The following LRP5 variants were observed in gnomAD, a reference collection of about 807,000 sequenced individuals.
LRP5 encodes the protein low-density lipoprotein receptor-related protein 5.
Under a neutral mutation model 154.1 loss-of-function variants are expected in LRP5, and 62 were observed. The ratio of observed to expected loss-of-function variants is 0.40; its 90% confidence interval spans 0.33 to 0.50. The LOEUF (loss-of-function observed/expected upper bound fraction) is 0.50. LRP5 is among the 20% of genes least tolerant of loss of function. LRP5 has a pLI of 0.55. For missense variants in LRP5, 1,915 were observed against 2,336.7 expected, an observed-to-expected ratio of 0.82 and a Z score of 3.72; for synonymous variants, 966 against 1,011.5, an observed-to-expected ratio of 0.96 and a Z score of 0.85.
intron 21 of LRP5, among the ~76,000 whole-genome samples, chr11:68,441,382 G>T (rs957888631): frequency 1.4e-4 from 21 of 152,208 alleles, no homozygotes; most frequent in African/African-American, 5.1e-4. Flanking sequence ...CTGGCCTGGG[G>T]TATTGTCTTC....
At chr11:68,335,370 A>G (rs2098605118) in intron 1 of LRP5, among the ~76,000 whole-genome samples, 1 of 150,904 alleles carries the variant, frequency 6.6e-6, no homozygotes. Context: ...CACCGCACTC[A>G]GCCCATAACC....
chr11:68,367,796 G>C (rs1262254617), intron 5 of LRP5, among the ~76,000 whole-genome samples: 2 of 152,224 alleles, frequency 1.3e-5, no homozygotes, highest in African/African-American at 4.8e-5. Flanking sequence ...GGGCGCAGTG[G>C]CTCACGCCTG....
At position 68,344,317 on chromosome 11, in the gene LRP5, A is replaced by T. The variant is rs201358135; in HGVS notation, c.92-3530A>T. ...ACATCCCATTTTTTGATTTCTTTTTATTTTTTCCTTTTTCTTTTTGAGATG... is the reference window on the plus strand; with the variant it reads ...ACATCCCATTTTTTGATTTCTTTTTTTTTTTTCCTTTTTCTTTTTGAGATG... On this transcript the variant is annotated intron_variant, in intron 1 of 22. Coordinates refer to ENST00000294304, the MANE Select transcript of LRP5 (RefSeq NM_002335.4). Among the ~76,000 whole-genome samples the T allele has an allele frequency of 7.9e-5, 12 of 151,350 alleles. No homozygotes were observed. The East Asian group carries it at 1.7e-3, about 22-fold the overall frequency.
rs1422149559 is a variant in LRP5, at chr11:68,433,846, C to T, written c.4000+8C>T. On this transcript the variant is annotated splice_region_variant and intron_variant, in intron 18 of 22. Transcript: ENST00000294304. ...ACGAGGCGGACTGTGACGGTGAGGC[C>T]CTCCCCGTCAAGGCTCTGCCAAGAC... The T allele has an allele frequency of 9.9e-6, 16 of 1,610,308 alleles. No homozygotes were observed. Among genetic ancestry groups the T allele is most frequent in the Non-Finnish European group, 1.3e-5 (15 of 1,178,626 alleles).
At chr11:68,422,579 C>G (rs1294481642) in intron 13 of LRP5, among the ~76,000 whole-genome samples, 1 of 152,194 alleles carries the variant, frequency 6.6e-6, no homozygotes. Context: ...AGGCTCATCC[C>G]TGAGATGCAC....
chr11:68,436,863 T>A (rs1220173267), intron 18 of LRP5, 26 bp from the exon 19 acceptor site: 1 of 1,588,010 alleles, frequency 6.3e-7, no homozygotes, highest in South Asian at 1.1e-5. Context: ...CTCCAGCCTC[T>A]CTGAGTGCAT....
chr11:68,325,752 C>T (rs796392123), intron 1 of LRP5, among the ~76,000 whole-genome samples: 1 of 152,306 alleles, frequency 6.6e-6, no homozygotes, highest in African/African-American at 2.4e-5. Context: ...GTGTCCTGCT[C>T]CTAGCTCTGC....
chr11:68,357,278 G>A (rs1281567034), intron 2 of LRP5, among the ~76,000 whole-genome samples: 1 of 150,540 alleles, frequency 6.6e-6, no homozygotes, highest in Admixed American at 6.6e-5. Flanking sequence ...TCCATCCTGA[G>A]TGTTTTGAAT....
At chr11:68,411,287 C>T in intron 10 of LRP5, 149 bp from the exon 11 acceptor site, 1 of 775,644 alleles carries the variant, frequency 1.3e-6, no homozygotes, top group Admixed American at 2.2e-5. Flanking sequence ...GGTCGAGGGT[C>T]TCGCCCTTCC....
rs79770290 is a variant in LRP5 at position 68,411,284 on chromosome 11, G to A, written c.2319-152G>A. The stretch of plus-strand genomic sequence containing the variant: ...GGATATGTGTGTGGCAGGGGTCGAG[G>A]GTCTCGCCCTTCCCTGCTTCCTGCG... On this transcript the variant is annotated intron_variant, in intron 10 of 22. Transcript: ENST00000294304. 0.058 allele frequency: 43,868 copies of A among 750,256 alleles called. 1,709 individuals are homozygous for A. The highest frequency in any genetic ancestry group is 0.073 in the Non-Finnish European group (33,233 of 453,308). The allele number at this position is 750,256 out of a possible 1,614,324, so 46.5% of individuals were successfully genotyped here.
chr11:68,416,173 C>A (rs1048730458), intron 12 of LRP5, among the ~76,000 whole-genome samples, 155 bp from the exon 13 acceptor site: 10 of 152,140 alleles, frequency 6.6e-5, no homozygotes, highest in Admixed American at 2.0e-4. Flanking sequence ...CCATAGCGCA[C>A]CCCCAAGAGA....
At chr11:68,366,439 C>G (rs532490334) in intron 5 of LRP5, among the ~76,000 whole-genome samples, 1 of 152,122 alleles carries the variant, frequency 6.6e-6, no homozygotes, top group Non-Finnish European at 1.5e-5. Context: ...TGTCCTTGCT[C>G]TCACTGCTGT....
At position 68,413,692 on chromosome 11, in the gene LRP5, A is replaced by G; in HGVS notation, c.2507A>G (p.Gln836Arg). 6.2e-7 allele frequency: 1 copy of G among 1,613,718 alleles called. No individual in the cohort carries two copies. The highest frequency in any genetic ancestry group is 8.5e-7 in the Non-Finnish European group (1 of 1,179,990). The change falls in exon 12 of 23, where the codon CAG becomes CGG. Residue 836 changes from glutamine (Q) to arginine (R), a missense_variant. Gln to Arg is a conservative substitution (Grantham distance 43, BLOSUM62 1). Coordinates refer to ENST00000294304, the MANE Select transcript of LRP5 (RefSeq NM_002335.4). This position sits in a 1 kb window ranked among gnomAD's most constrained non-coding sequence, Gnocchi z 5.1. ...NMIESSNMLG[Q>R]ERVVIADDLP... ...GTGCCCGTGTGTGTTCATGCAGGTC[A>G]GGAGCGGGTCGTGATTGCCGACGAT... is the stretch of plus-strand genomic sequence containing the variant.
intron 17 of LRP5, 111 bp from the exon 18 acceptor site, chr11:68,433,491 C>A: frequency 1.0e-6 from 1 of 981,156 alleles, no homozygotes; most frequent in African/African-American, 1.6e-5. Flanking sequence ...AGCAGGGATG[C>A]CAAACCCGCG....
intron 1 of LRP5, among the ~76,000 whole-genome samples, chr11:68,344,468 G>A (rs1267059036): frequency 1.5e-3 from 2 of 1,296 alleles, no homozygotes; most frequent in African/African-American, 3.4e-3. Context: ...ACAGGCGTGA[G>A]CCACCACGCC....
chr11:68,364,869 G>A (rs1053214055), intron 4 of LRP5, among the ~76,000 whole-genome samples: 5 of 152,198 alleles, frequency 3.3e-5, no homozygotes, highest in Non-Finnish European at 7.3e-5. Context: ...GAGGGAGGGA[G>A]AGGTTCATTT....
the LRP5 span, among the ~76,000 whole-genome samples, chr11:68,305,936 T>C: frequency 3.3e-5 from 5 of 152,232 alleles, no homozygotes; most frequent in Non-Finnish European, 2.9e-5. Flanking sequence ...CTCACAGTGC[T>C]GGAGGCCAGA....
chr11:68,327,468 T>G (rs2098600370), intron 1 of LRP5, among the ~76,000 whole-genome samples: 1 of 152,214 alleles, frequency 6.6e-6, no homozygotes, highest in Non-Finnish European at 1.5e-5. Context: ...GGCAAAGATA[T>G]GCAGTGGTCT....
intron 11 of LRP5, among the ~76,000 whole-genome samples, chr11:68,412,490 T>A (rs1055854889): frequency 6.6e-6 from 1 of 151,852 alleles, no homozygotes; most frequent in Non-Finnish European, 1.5e-5. Context: ...AAAAATTTTT[T>A]AAAAATTAGC....
Sources: gnomAD v4.1 joint callset for allele counts (sites outside exome capture counted in the v4.1 genomes callset) on GRCh38, gnomAD v4.1.1 for gene constraint, Gnocchi (gnomAD v3.1) non-coding constraint, MANE v1.5 for transcripts, NCBI Gene and HGNC (gene_info 2026-07-23, HGNC 2026-07-21) for gene names.